Variants in GEMIN5 observed in about 807,000 individuals in gnomAD.
GEMIN5 encodes gem-associated protein 5.
GEMIN5 carries 124 observed loss-of-function variants against 176.9 expected under a neutral mutation model. That is an observed-to-expected ratio of 0.70 (90% CI 0.61 to 0.81). The LOEUF (loss-of-function observed/expected upper bound fraction) is 0.81. GEMIN5 is among the 40% of genes least tolerant of loss of function. The pLI is 0.00. For synonymous variants in GEMIN5, 673 were observed against 665.2 expected (o/e 1.01, Z -0.18); for missense variants, 1,843 against 1,814.6 (o/e 1.02, Z -0.28).
Position 154,896,379 on chromosome 5 carries a change from C to G in GEMIN5, c.3346-36G>C, listed in dbSNP as rs758126322. On this transcript the variant is annotated intron_variant, in intron 23 of 27. Transcript: ENST00000285873. The stretch of plus-strand genomic sequence containing the variant: ...ACAACAAGGAAGAGGAACTGTTATA[C>G]AGGGAAAGCACTGGATGATCTCGAG... 3.9e-6 allele frequency: 6 copies of G among 1,528,562 alleles called. No homozygotes were observed. The South Asian group carries it at 6.6e-5, about 17-fold the overall frequency. 94.7% of individuals were successfully genotyped at this position (1,528,562 alleles called of 1,614,324 possible).
At position 154,891,356 on chromosome 5, in the gene GEMIN5, C is replaced by G; in HGVS notation, c.4147G>C (p.Glu1383Gln). 4 of 1,614,128 alleles carry G rather than the reference C, an allele frequency of 2.5e-6. No individual in the cohort carries two copies. Among genetic ancestry groups the G allele is most frequent in the Non-Finnish European group, 3.4e-6 (4 of 1,180,008 alleles). Residue 1383 changes from glutamate to glutamine, a missense_variant, in exon 26 of 28, where the codon GAA becomes CAA. Physicochemically the swap from Glu to Gln is conservative, Grantham distance 29. Transcript: ENST00000285873. ...TVAEVQETLA[E>Q]MIRQHQKSQL... ...CTCTTTTGGTGTTGTCGGATCATTTCTGCCAAGGTCTCTTGGACTTCAGCA... is the reference window on the plus strand; with the variant it reads ...CTCTTTTGGTGTTGTCGGATCATTTGTGCCAAGGTCTCTTGGACTTCAGCA...
chr5:154,889,162 C>T (rs1763169810), intron 27 of GEMIN5, among the ~76,000 whole-genome samples, 159 bp downstream of exon 27: 1 of 152,100 alleles, frequency 6.6e-6, no homozygotes, highest in Non-Finnish European at 1.5e-5. Flanking sequence ...AGGCGTGAGC[C>T]ACCACGCCCA....
intron 23 of GEMIN5, among the ~76,000 whole-genome samples, chr5:154,897,973 C>T (rs947366083): frequency 2.1e-5 from 3 of 141,178 alleles, no homozygotes; most frequent in Non-Finnish European, 4.5e-5. Flanking sequence ...GATCTTGGCT[C>T]GCTGCAACCT....
rs761537142 is a variant in GEMIN5 at position 154,921,381 on chromosome 5, G to A, written c.1424C>T (p.Thr475Ile). ...SSTYHKKTVY[T>I]LAWGPPVPPM... ...GGGTACTGGTGGCCCCCAGGCTAAA[G>A]TATATACAGTCTTCTTATGATATGT... The change falls in exon 10 of 28, where the codon ACT becomes ATT. Residue 475 changes from threonine (T) to isoleucine (I), a missense_variant. Coordinates refer to ENST00000285873, the MANE Select transcript of GEMIN5 (RefSeq NM_015465.5). 3.4e-5 allele frequency: 50 copies of A among 1,489,798 alleles called. No individual in the cohort carries two copies. The highest frequency in any genetic ancestry group is 4.1e-5 in the Non-Finnish European group (44 of 1,078,294). 92.3% of individuals were successfully genotyped at this position (1,489,798 alleles called of 1,614,324 possible). A position where few individuals can be genotyped will look rare whatever the true frequency, so the allele number is the denominator to read the frequency against.
At chr5:154,930,426 C>T (rs1242541723) in intron 5 of GEMIN5, among the ~76,000 whole-genome samples, 2 of 152,136 alleles carry the variant, frequency 1.3e-5, no homozygotes, top group African/African-American at 2.4e-5. Flanking sequence ...ATTTCTTTTG[C>T]CACACCGAAA....
intron 16 of GEMIN5, among the ~76,000 whole-genome samples, chr5:154,906,115 G>A (rs1457164413): frequency 2.6e-5 from 4 of 151,944 alleles, no homozygotes; most frequent in African/African-American, 9.7e-5. Context: ...CCCCTCCTCA[G>A]CCTCCCAGAG....
intron 15 of GEMIN5, among the ~76,000 whole-genome samples, chr5:154,909,119 T>C (rs1448689052): frequency 6.9e-6 from 1 of 144,542 alleles, no homozygotes; most frequent in African/African-American, 2.5e-5. Flanking sequence ...ACACCATGCC[T>C]GGGTAATTTT....
At chr5:154,918,215 A>G (rs754556882) in intron 11 of GEMIN5, among the ~76,000 whole-genome samples, 15 of 152,122 alleles carry the variant, frequency 9.9e-5, no homozygotes, top group Non-Finnish European at 1.3e-4. Context: ...AAACAAAAAA[A>G]CCCCCAAGGC....
rs1173748050 is a variant in GEMIN5 at position 154,888,045 on chromosome 5, T to C, written c.*165A>G. The stretch of plus-strand genomic sequence containing the variant: ...GAGTCTAAAGTCAGATCCACCGTTG[T>C]CTATGGGTAGGCAGGGTTGATTCAA... On this transcript the variant is annotated 3_prime_UTR_variant, in exon 28 of 28. Transcript: ENST00000285873. 1 of 642,906 alleles carries C rather than the reference T, an allele frequency of 1.6e-6. No homozygotes were observed. The highest frequency in any genetic ancestry group is 2.8e-5 in the East Asian group (1 of 35,648). 39.8% of individuals were successfully genotyped at this position (642,906 alleles called of 1,614,324 possible). A position where few individuals can be genotyped will look rare whatever the true frequency, so the allele number is the denominator to read the frequency against.
At chr5:154,929,105 T>C (rs1764106012) in intron 5 of GEMIN5, among the ~76,000 whole-genome samples, 1 of 152,028 alleles carries the variant, frequency 6.6e-6, no homozygotes, top group Non-Finnish European at 1.5e-5. Flanking sequence ...GCACCTGTAG[T>C]CCCAGCTACT....
intron 14 of GEMIN5, 117 bp downstream of exon 14, chr5:154,912,779 TCTC>T: frequency 1.2e-6 from 1 of 819,552 alleles, no homozygotes. Context: ...GCCCAGAAAA[TCTC>T]CTTCAGTAGA....
chr5:154,891,200 G>T (rs577277517), intron 26 of GEMIN5, 41 bp downstream of exon 26: 2 of 1,564,532 alleles, frequency 1.3e-6, no homozygotes, highest in South Asian at 2.4e-5. Context: ...TAGCCAGCAG[G>T]GTCATTTTTC....
intron 2 of GEMIN5, 108 bp downstream of exon 2, chr5:154,936,917 C>G: frequency 1.2e-6 from 1 of 803,712 alleles, no homozygotes; most frequent in Non-Finnish European, 2.0e-6. Context: ...TTAATGAACA[C>G]AATTACAAGT....
chr5:154,937,266 G>C (rs1764289290), intron 1 of GEMIN5, 81 bp from the exon 2 acceptor site: 4 of 1,148,142 alleles, frequency 3.5e-6, no homozygotes, highest in East Asian at 2.5e-5. Context: ...TGGATGACAA[G>C]TGAGCAGATG....
chr5:154,906,799 T>C (rs1237772536), intron 16 of GEMIN5, among the ~76,000 whole-genome samples: 1 of 152,234 alleles, frequency 6.6e-6, no homozygotes, highest in African/African-American at 2.4e-5. Context: ...ATGGAGAGCA[T>C]CAGGAATGCC....
At chr5:154,934,930 A>G (rs1199482887) in intron 3 of GEMIN5, among the ~76,000 whole-genome samples, 1 of 152,174 alleles carries the variant, frequency 6.6e-6, no homozygotes, top group Non-Finnish European at 1.5e-5. Flanking sequence ...AATCAGAAAT[A>G]CCAGAATAGA....
chr5:154,914,036 T>C (rs139044743), intron 13 of GEMIN5, among the ~76,000 whole-genome samples: 1 of 152,138 alleles, frequency 6.6e-6, no homozygotes. Flanking sequence ...ATTTTTTTTT[T>C]TTTGAGATGG....
Position 154,927,502 on chromosome 5 carries a change from G to A in GEMIN5, c.963C>T (p.Tyr321=), listed in dbSNP as rs757646689. ...WDLTQSWRRK[Y]TLFSASSEGQ... is the part of the protein sequence containing the mutation. ...CTTCTGATGAGGCACTGAAGAGGGT[G>A]TATTTCCGTCTCCAAGATTGAGTGA... Residue 321 remains tyrosine (Y), a synonymous_variant, in exon 7 of 28, where the codon TAC becomes TAT. Transcript: ENST00000285873. The A allele has an allele frequency of 8.1e-6, 13 of 1,610,476 alleles. No homozygotes were observed. The highest frequency in any genetic ancestry group is 1.7e-5 in the Admixed American group (1 of 59,978).
chr5:154,922,425 C>T (rs888075619), intron 9 of GEMIN5, among the ~76,000 whole-genome samples: 2 of 152,082 alleles, frequency 1.3e-5, no homozygotes, highest in African/African-American at 4.8e-5. Flanking sequence ...CGTCGGCCTC[C>T]CAAAGTGCTG....
Sources: allele counts gnomAD v4.1 joint callset (sites outside exome capture counted in the v4.1 genomes callset), GRCh38; gene constraint gnomAD v4.1.1; transcripts MANE v1.5; gene names NCBI Gene and HGNC (gene_info 2026-07-23, HGNC 2026-07-21).